Variants in PRKN observed in about 807,000 individuals in gnomAD.
The protein encoded by PRKN is parkin RBR E3 ubiquitin protein ligase, also known as E3 ubiquitin-protein ligase parkin.
In PRKN, 56 loss-of-function variants were observed where a neutral mutation model predicts 59.5. The observed-to-expected ratio is 0.94, with a 90% CI of 0.76 to 1.18. The LOEUF (loss-of-function observed/expected upper bound fraction) is 1.18, where lower values mean the gene tolerates loss of function less well. Among genes scored for constraint, PRKN ranks in the 50% most tolerant of loss-of-function variants. PRKN has a pLI of 0.00. For missense variants in PRKN, 657 were observed against 596.4 expected, an observed-to-expected ratio of 1.10 and a Z score of -1.06; for synonymous variants, 250 against 222.1, an observed-to-expected ratio of 1.13 and a Z score of -1.12.
At chr6:162,632,998 T>C (rs1027172120) in intron 1 of PRKN, among the ~76,000 whole-genome samples, 4 of 152,308 alleles carry the variant, frequency 2.6e-5, no homozygotes, top group Middle Eastern at 3.4e-3. Flanking sequence ...TTAAATAGTG[T>C]TAAGTTTCAA....
intron 1 of PRKN, among the ~76,000 whole-genome samples, chr6:162,702,911 AG>A (rs1778208551): frequency 6.6e-6 from 1 of 152,174 alleles, no homozygotes; most frequent in Non-Finnish European, 1.5e-5. Flanking sequence ...TTGATATCTA[AG>A]GGGATTGATT....
chr6:162,480,585 G>A (rs765372100), intron 1 of PRKN, among the ~76,000 whole-genome samples: 1 of 152,036 alleles, frequency 6.6e-6, no homozygotes. Context: ...AGTGCTGCTG[G>A]TGAAGCCCAC....
chr6:162,228,484 G>A (rs1562596745), intron 3 of PRKN, among the ~76,000 whole-genome samples: 1 of 152,080 alleles, frequency 6.6e-6, no homozygotes, highest in African/African-American at 2.4e-5. Context: ...AAATGTGAAT[G>A]CTCATTTAAA....
intron 5 of PRKN, among the ~76,000 whole-genome samples, chr6:162,008,404 C>T (rs975524837): frequency 6.6e-6 from 1 of 152,072 alleles, no homozygotes; most frequent in African/African-American, 2.4e-5. Flanking sequence ...GTAGCAGCTA[C>T]AAAAGAAAAT....
intron 7 of PRKN, among the ~76,000 whole-genome samples, chr6:161,694,711 AG>A (rs1206554560): frequency 6.6e-6 from 1 of 152,222 alleles, no homozygotes; most frequent in African/African-American, 2.4e-5. Flanking sequence ...CAGTGGTTAA[AG>A]TTCCCACTTT....
intron 3 of PRKN, among the ~76,000 whole-genome samples, chr6:162,245,938 T>C (rs1180092192): frequency 6.6e-6 from 1 of 152,162 alleles, no homozygotes; most frequent in East Asian, 1.9e-4. Flanking sequence ...AAAAATCATA[T>C]GCCCACTGGG....
intron 1 of PRKN, among the ~76,000 whole-genome samples, chr6:162,597,156 T>C (rs1187981335): frequency 6.6e-6 from 1 of 152,226 alleles, no homozygotes; most frequent in East Asian, 1.9e-4. Context: ...TCTTAACCTC[T>C]ATGGAAATGG....
intron 7 of PRKN, among the ~76,000 whole-genome samples, chr6:161,717,849 C>T (rs1787050525): frequency 6.6e-6 from 1 of 152,132 alleles, no homozygotes; most frequent in African/African-American, 2.4e-5. Context: ...CCGCTTCCAT[C>T]CCGCTGTGCT....
chr6:162,557,630 T>A (rs1779661314), intron 1 of PRKN, among the ~76,000 whole-genome samples: 1 of 152,176 alleles, frequency 6.6e-6, no homozygotes, highest in Admixed American at 6.5e-5. Context: ...TGCCTCAGCC[T>A]CCCGAGTAGC....
intron 3 of PRKN, among the ~76,000 whole-genome samples, chr6:162,256,123 T>C (rs755661474): frequency 4.6e-5 from 7 of 152,150 alleles, no homozygotes; most frequent in Non-Finnish European, 7.3e-5. Context: ...AAATTAATTA[T>C]AGTCAAATAG....
intron 2 of PRKN, among the ~76,000 whole-genome samples, chr6:162,426,959 G>A (rs960431277): frequency 6.6e-6 from 1 of 152,146 alleles, no homozygotes; most frequent in African/African-American, 2.4e-5. Context: ...TGTTTCCTAC[G>A]TTAGCCCCAA....
intron 6 of PRKN, among the ~76,000 whole-genome samples, chr6:161,807,492 A>G (rs981618052): frequency 6.6e-6 from 1 of 152,210 alleles, no homozygotes; most frequent in African/African-American, 2.4e-5. Context: ...AGGCAACTAA[A>G]AAAACACAAA....
At position 161,462,562 on chromosome 6, in the gene PRKN, G is replaced by C. The variant is rs1232689668; in HGVS notation, c.1084-75685C>G. Among the ~76,000 whole-genome samples the C allele has an allele frequency of 6.6e-6, 1 of 152,116 alleles. No homozygotes were observed. The highest frequency in any genetic ancestry group is 1.5e-5 in the Non-Finnish European group (1 of 68,028). Reference sequence around the variant, plus strand: ...ATTCTCTGAAGTGAAATGACACCATGATGTCTGATCAGCAATATAGCTCAC... The same window carrying C: ...ATTCTCTGAAGTGAAATGACACCATCATGTCTGATCAGCAATATAGCTCAC... On this transcript the variant is annotated intron_variant, in intron 9 of 11. Coordinates refer to ENST00000366898, the MANE Select transcript of PRKN (RefSeq NM_004562.3). The surrounding 1 kb of genome is among the most constrained non-coding windows in gnomAD (Gnocchi z 4.5).
At chr6:162,647,971 A>C (rs1245460004) in intron 1 of PRKN, among the ~76,000 whole-genome samples, 3 of 150,250 alleles carry the variant, frequency 2.0e-5, no homozygotes, top group African/African-American at 4.9e-5. Flanking sequence ...AAAAAAAAAA[A>C]AAAAAAGTCT....
intron 3 of PRKN, among the ~76,000 whole-genome samples, chr6:162,234,358 T>A (rs1778552317): frequency 6.6e-6 from 1 of 152,144 alleles, no homozygotes; most frequent in South Asian, 2.1e-4. Flanking sequence ...TCAGTTTATA[T>A]ACTAAAAGGT....
chr6:161,472,505 C>T (rs904883834), intron 9 of PRKN, among the ~76,000 whole-genome samples: 2 of 152,086 alleles, frequency 1.3e-5, no homozygotes, highest in East Asian at 1.9e-4. Context: ...ACACAAAAAT[C>T]AACTCAACAT....
Position 161,450,580 on chromosome 6 carries a change from G to A in PRKN, c.1084-63703C>T, listed in dbSNP as rs548509267. The stretch of plus-strand genomic sequence containing the variant: ...TTTTTCTTCCTTTTTTTTTTGAGAC[G>A]GAGTCTCGCTCTGTCACCCAGGCTG... On this transcript the variant is annotated intron_variant, in intron 9 of 11. Coordinates refer to ENST00000366898, the MANE Select transcript of PRKN (RefSeq NM_004562.3). Among the ~76,000 whole-genome samples the A allele has an allele frequency of 1.8e-4, 27 of 150,738 alleles. No homozygotes were observed. The East Asian group carries it at 2.3e-3, about 13-fold the overall frequency.
intron 4 of PRKN, among the ~76,000 whole-genome samples, chr6:162,188,500 C>T (rs1784123346): frequency 6.6e-6 from 1 of 152,192 alleles, no homozygotes; most frequent in African/African-American, 2.4e-5. Context: ...GATCAATGTC[C>T]ACATAGGCCC....
intron 4 of PRKN, among the ~76,000 whole-genome samples, chr6:162,156,312 G>T (rs922946739): frequency 6.6e-6 from 1 of 152,106 alleles, no homozygotes; most frequent in Non-Finnish European, 1.5e-5. Context: ...TATATGAAGG[G>T]GAGCTTATCA....
Sources: allele counts gnomAD v4.1 joint callset (sites outside exome capture counted in the v4.1 genomes callset), GRCh38; gene constraint gnomAD v4.1.1; non-coding constraint Gnocchi (gnomAD v3.1); transcripts MANE v1.5; gene names NCBI Gene and HGNC (gene_info 2026-07-23, HGNC 2026-07-21).